The following NARS2 variants were observed in gnomAD, a reference collection of about 807,000 sequenced individuals.
NARS2 encodes asparaginyl-tRNA synthetase 2, mitochondrial.
In NARS2, 60 loss-of-function variants were observed where a neutral mutation model predicts 62.9. That is an observed-to-expected ratio of 0.95 (90% CI 0.77 to 1.18). The LOEUF (loss-of-function observed/expected upper bound fraction) is 1.18, where lower values mean the gene tolerates loss of function less well. Among genes scored for constraint, NARS2 ranks in the 50% most tolerant of loss-of-function variants. The pLI, the probability that NARS2 is intolerant of heterozygous loss-of-function variation, is 0.00. For synonymous variants in NARS2, 196 were observed against 200.0 expected (o/e 0.98, Z 0.17); for missense variants, 619 against 576.4 (o/e 1.07, Z -0.76).
chr11:78,540,004 T>C (rs892116630), intron 5 of NARS2, among the ~76,000 whole-genome samples: 4 of 152,232 alleles, frequency 2.6e-5, no homozygotes, highest in African/African-American at 7.2e-5. Flanking sequence ...ATATAAAGGA[T>C]GATTACCTCC....
At chr11:78,464,996 T>C (rs1228536355) in intron 11 of NARS2, among the ~76,000 whole-genome samples, 1 of 152,202 alleles carries the variant, frequency 6.6e-6, no homozygotes, top group Non-Finnish European at 1.5e-5. Flanking sequence ...GGGTGGTCAA[T>C]GGGACTGGGC....
At chr11:78,456,334 T>A (rs1269865206) in intron 11 of NARS2, among the ~76,000 whole-genome samples, 1 of 152,174 alleles carries the variant, frequency 6.6e-6, no homozygotes, top group East Asian at 1.9e-4. Context: ...ACTCTACAAT[T>A]CAAAGTATTA....
chr11:78,491,275 C>T (rs556094661), intron 7 of NARS2, among the ~76,000 whole-genome samples: 4 of 152,364 alleles, frequency 2.6e-5, no homozygotes, highest in African/African-American at 9.6e-5. Flanking sequence ...CACTCTCCCC[C>T]TTCCCTGCCC....
At chr11:78,549,145 G>A (rs563496040) in intron 5 of NARS2, among the ~76,000 whole-genome samples, 1 of 152,238 alleles carries the variant, frequency 6.6e-6, no homozygotes, top group Non-Finnish European at 1.5e-5. Flanking sequence ...GGGGATGGAG[G>A]CTCCACCTTG....
At chr11:78,521,746 C>CAGT in intron 6 of NARS2, among the ~76,000 whole-genome samples, 1 of 142,070 alleles carries the variant, frequency 7.0e-6, no homozygotes. Context: ...GCCGAGATCC[C>CAGT]GCCACTGCAC....
At chr11:78,518,936 C>G (rs1861013538) in intron 6 of NARS2, among the ~76,000 whole-genome samples, 1 of 152,088 alleles carries the variant, frequency 6.6e-6, no homozygotes, top group Non-Finnish European at 1.5e-5. Context: ...TTCAGTTGAG[C>G]CTTTAGGAAT....
chr11:78,532,185 A>C (rs896100530), intron 5 of NARS2, among the ~76,000 whole-genome samples: 2 of 152,186 alleles, frequency 1.3e-5, no homozygotes, highest in Non-Finnish European at 2.9e-5. Flanking sequence ...ATATGAATTA[A>C]ACACCCAACT....
intron 11 of NARS2, among the ~76,000 whole-genome samples, chr11:78,456,190 A>G (rs1186461013): frequency 6.6e-6 from 1 of 152,178 alleles, no homozygotes; most frequent in Non-Finnish European, 1.5e-5. Flanking sequence ...GTTCACTTTT[A>G]TCTCAGTTGC....
intron 4 of NARS2, among the ~76,000 whole-genome samples, chr11:78,560,626 C>T (rs1350124765): frequency 6.6e-6 from 1 of 150,736 alleles, no homozygotes; most frequent in Non-Finnish European, 1.5e-5. Flanking sequence ...TTACTAGGGA[C>T]CTCCCGAATA....
Position 78,568,822 on chromosome 11 carries a change from A to C in NARS2, c.252-70T>G, listed in dbSNP as rs955888198. On this transcript the variant is annotated intron_variant, in intron 2 of 13. Transcript: ENST00000281038. ...ACCTTCATTTTAATATCAACTTTGC[A>C]ATAAGAATATTAAAATACTTAATGA... 3 of 1,265,422 alleles carry C rather than the reference A, an allele frequency of 2.4e-6. No homozygotes were observed. The African/African-American group carries it at 4.5e-5, about 19-fold the overall frequency. The allele number at this position is 1,265,422 out of a possible 1,614,324, so 78.4% of individuals were successfully genotyped here.
intron 11 of NARS2, among the ~76,000 whole-genome samples, chr11:78,444,334 T>C (rs973792352): frequency 6.6e-5 from 10 of 152,196 alleles, no homozygotes; most frequent in African/African-American, 2.4e-4. Context: ...ATTTGTAGTA[T>C]TGTTATTAGG....
intron 4 of NARS2, among the ~76,000 whole-genome samples, chr11:78,565,559 T>C (rs533873684): frequency 2.6e-5 from 4 of 152,254 alleles, no homozygotes; most frequent in Admixed American, 6.5e-5. Context: ...ACTCAGAGTC[T>C]GGAGAGACCC....
intron 4 of NARS2, among the ~76,000 whole-genome samples, chr11:78,563,660 G>A (rs112314698): frequency 0.045 from 6,712 of 148,244 alleles, 505 homozygotes; most frequent in African/African-American, 0.16. Flanking sequence ...GTGAAACCCC[G>A]TCTCTACTAA....
rs757999669 is a variant in NARS2 at position 78,566,226 on chromosome 11, C to G, written c.419G>C (p.Arg140Pro). Residue 140 changes from arginine to proline, a missense_variant, in exon 4 of 14, where the codon CGA becomes CCA. Physicochemically the swap from Arg to Pro is moderately radical, Grantham distance 103. Transcript: ENST00000281038. Reference sequence around the variant, plus strand: ...CCTACACCTAAAGTGAGGATATTGTCGCAGATACTCCAGAGGATGCCTCTC... The same window carrying G: ...CCTACACCTAAAGTGAGGATATTGTGGCAGATACTCCAGAGGATGCCTCTC... ...YKERHPLEYL[R>P]QYPHFRCRTN... The G allele has an allele frequency of 3.1e-6, 5 of 1,611,612 alleles. No homozygotes were observed. The highest frequency in any genetic ancestry group is 2.2e-5 in the East Asian group (1 of 44,842).
chr11:78,495,963 T>A (rs1233941936), intron 6 of NARS2, among the ~76,000 whole-genome samples: 1 of 152,206 alleles, frequency 6.6e-6, no homozygotes, highest in African/African-American at 2.4e-5. Flanking sequence ...CAGTGGTTAA[T>A]GATTTTCCCT....
chr11:78,476,858 T>A (rs969060721), intron 9 of NARS2, among the ~76,000 whole-genome samples: 1 of 152,138 alleles, frequency 6.6e-6, no homozygotes, highest in African/African-American at 2.4e-5. Context: ...TACCCTTAAT[T>A]CCAGTACCCT....
chr11:78,560,020 TA>T (rs1856503352), intron 4 of NARS2, among the ~76,000 whole-genome samples: 1 of 152,200 alleles, frequency 6.6e-6, no homozygotes, highest in African/African-American at 2.4e-5. Context: ...AACAAACACA[TA>T]CGCACACTAT....
At chr11:78,517,687 C>A (rs1860963840) in intron 6 of NARS2, among the ~76,000 whole-genome samples, 1 of 152,182 alleles carries the variant, frequency 6.6e-6, no homozygotes, top group South Asian at 2.1e-4. Context: ...ACTAAAATAT[C>A]TACATTCTAT....
chr11:78,486,397 C>T (rs1365464319), intron 7 of NARS2, among the ~76,000 whole-genome samples: 1 of 152,118 alleles, frequency 6.6e-6, no homozygotes, highest in Non-Finnish European at 1.5e-5. Context: ...GGCTCACCTC[C>T]AAGAAATGTA....
Sources: gnomAD v4.1 joint callset for allele counts (sites outside exome capture counted in the v4.1 genomes callset) on GRCh38, gnomAD v4.1.1 for gene constraint, MANE v1.5 for transcripts, NCBI Gene and HGNC (gene_info 2026-07-23, HGNC 2026-07-21) for gene names.